ANO3: variants seen among roughly 807,000 people sequenced by gnomAD.
ANO3 encodes anoctamin-3.
In ANO3, 99 loss-of-function variants were observed where a neutral mutation model predicts 144.8. That is an observed-to-expected ratio of 0.68 (90% CI 0.58 to 0.81). ANO3 has a LOEUF of 0.81. Ranked by LOEUF, ANO3 falls within the 30% of genes least tolerant of loss-of-function variation. ANO3 has a pLI of 0.00. For missense variants in ANO3, 905 were observed against 1,202.2 expected (o/e 0.75, Z 3.66); for synonymous variants, 414 against 392.6 (o/e 1.05, Z -0.64).
At chr11:26,584,199 G>A (rs565018326) in intron 14 of ANO3, among the ~76,000 whole-genome samples, 11 of 151,930 alleles carry the variant, frequency 7.2e-5, no homozygotes, top group East Asian at 3.9e-4. Flanking sequence ...TCACTCTATC[G>A]CCAGGCTGGA....
chr11:26,194,458 G>A (rs10834923), intron 1 of ANO3, among the ~76,000 whole-genome samples: 2,054 of 146,660 alleles, frequency 0.014, 47 homozygotes, highest in East Asian at 0.096. Context: ...GTGTGTGTGT[G>A]TGTGTGTGTG....
intron 1 of ANO3, among the ~76,000 whole-genome samples, chr11:26,229,356 C>T (rs1276495344): frequency 1.3e-5 from 2 of 152,290 alleles, no homozygotes; most frequent in Non-Finnish European, 2.9e-5. Context: ...CTGCCATTTA[C>T]TTATTCTATG....
At chr11:26,602,378 A>T (rs1851822023) in intron 17 of ANO3, among the ~76,000 whole-genome samples, 1 of 152,100 alleles carries the variant, frequency 6.6e-6, no homozygotes, top group African/African-American at 2.4e-5. Context: ...TTTGATAGGT[A>T]AATAGCCACA....
At position 26,211,228 on chromosome 11, in the gene ANO3, G is replaced by A. The variant is rs1010372973; in HGVS notation, c.154+21898G>A. ...CCACTCAAAACTGCACGACTACATG[G>A]AAATTGAACAACATGCTCCTGAACA... is the stretch of plus-strand genomic sequence containing the variant. On this transcript the variant is annotated intron_variant, in intron 1 of 27. Coordinates refer to the ANO3 transcript ENST00000672621. Among the ~76,000 whole-genome samples the A allele has an allele frequency of 3.3e-5, 5 of 152,104 alleles. No homozygotes were observed. In the South Asian group the frequency reaches 1.0e-3, roughly 31 times the overall value.
At chr11:26,242,651 G>T (rs977055714) in intron 1 of ANO3, among the ~76,000 whole-genome samples, 1 of 152,176 alleles carries the variant, frequency 6.6e-6, no homozygotes, top group South Asian at 2.1e-4. Context: ...AAAGATATTG[G>T]GCTTCATAGT....
chr11:26,382,184 T>A (rs1341108685), intron 1 of ANO3, among the ~76,000 whole-genome samples: 2 of 152,184 alleles, frequency 1.3e-5, no homozygotes, highest in Non-Finnish European at 2.9e-5. Flanking sequence ...GCTTAAGCAA[T>A]GGTAAAATCA....
intron 14 of ANO3, among the ~76,000 whole-genome samples, chr11:26,586,797 G>A (rs1336937815): frequency 2.0e-5 from 3 of 151,530 alleles, no homozygotes; most frequent in East Asian, 1.9e-4. Context: ...CACCACGCCC[G>A]GCCTCTAATG....
At chr11:26,320,765 A>G (rs1854739500) in intron 1 of ANO3, among the ~76,000 whole-genome samples, 1 of 152,104 alleles carries the variant, frequency 6.6e-6, no homozygotes, top group African/African-American at 2.4e-5. Flanking sequence ...TATTAATATT[A>G]CCATTTCTGA....
At chr11:26,631,800 G>T (rs1010950294) in intron 18 of ANO3, among the ~76,000 whole-genome samples, 1 of 152,094 alleles carries the variant, frequency 6.6e-6, no homozygotes, top group Non-Finnish European at 1.5e-5. Flanking sequence ...TGATCTCTAT[G>T]CATCTTTAAG....
chr11:26,451,701 A>T (rs899494721), intron 3 of ANO3, among the ~76,000 whole-genome samples: 12 of 152,280 alleles, frequency 7.9e-5, no homozygotes, highest in Admixed American at 7.8e-4. Context: ...GCAGACTTAA[A>T]TGTTCCTGTC....
chr11:26,635,107 A>G (rs1327685107), intron 20 of ANO3, 37 bp downstream of exon 20: 4 of 1,585,598 alleles, frequency 2.5e-6, no homozygotes, highest in African/African-American at 1.3e-5. Flanking sequence ...AGGAATGGGC[A>G]TGGATATGGG....
chr11:26,248,230 CG>C (rs1852843523), intron 1 of ANO3, among the ~76,000 whole-genome samples: 2 of 151,902 alleles, frequency 1.3e-5, no homozygotes, highest in African/African-American at 4.8e-5. Context: ...TCCAACTACT[CG>C]GGAGGCTGAG....
intron 1 of ANO3, among the ~76,000 whole-genome samples, chr11:26,396,492 C>T (rs1227547307): frequency 6.6e-6 from 1 of 152,110 alleles, no homozygotes; most frequent in Non-Finnish European, 1.5e-5. Flanking sequence ...GACACGTGCA[C>T]ACATATGTTT....
At chr11:26,449,609 A>G (rs1858846072) in intron 3 of ANO3, among the ~76,000 whole-genome samples, 2 of 151,864 alleles carry the variant, frequency 1.3e-5, no homozygotes, top group Admixed American at 6.6e-5. Context: ...TTTTCTCACT[A>G]GTTATGAGTT....
intron 6 of ANO3, among the ~76,000 whole-genome samples, chr11:26,519,143 C>T (rs887436070): frequency 6.6e-6 from 1 of 152,120 alleles, no homozygotes; most frequent in Non-Finnish European, 1.5e-5. Context: ...TATGTACAAA[C>T]TAATTTCCTT....
chr11:26,336,499 A>G (rs1253315970), intron 1 of ANO3, among the ~76,000 whole-genome samples: 1 of 152,228 alleles, frequency 6.6e-6, no homozygotes, highest in African/African-American at 2.4e-5. Context: ...CTTACAGTCT[A>G]AAGTATTTTC....
At chr11:26,448,757 G>A (rs1195894824) in intron 3 of ANO3, among the ~76,000 whole-genome samples, 1 of 152,072 alleles carries the variant, frequency 6.6e-6, no homozygotes, top group Non-Finnish European at 1.5e-5. Flanking sequence ...CACAGTCACT[G>A]TAAATCTTGT....
chr11:26,622,687 A>G (rs534945022), intron 17 of ANO3, among the ~76,000 whole-genome samples: 20 of 152,354 alleles, frequency 1.3e-4, no homozygotes, highest in African/African-American at 3.6e-4. Context: ...ATGATAGTCA[A>G]TCCTGACTTT....
At chr11:26,535,031 T>C (rs1280362930) in intron 9 of ANO3, among the ~76,000 whole-genome samples, 2 of 152,174 alleles carry the variant, frequency 1.3e-5, no homozygotes, top group Non-Finnish European at 2.9e-5. Context: ...CAAGCATCTG[T>C]TTTACAAAGT....
Sources: allele counts gnomAD v4.1 joint callset (sites outside exome capture counted in the v4.1 genomes callset), GRCh38; gene constraint gnomAD v4.1.1; transcripts MANE v1.5; gene names NCBI Gene and HGNC (gene_info 2026-07-23, HGNC 2026-07-21).